The following LPL variants were observed in gnomAD, a reference collection of about 807,000 sequenced individuals.
LPL encodes the protein phospholipase A1.
In LPL, 43 loss-of-function variants were observed where a neutral mutation model predicts 52.2. That is an observed-to-expected ratio of 0.82 (90% CI 0.64 to 1.06). LPL has a LOEUF of 1.06. Among genes scored for constraint, LPL ranks in the 50% least tolerant of loss-of-function variants. LPL has a pLI of 0.00. For synonymous variants in LPL, 244 were observed against 215.6 expected (o/e 1.13, Z -1.15); for missense variants, 639 against 585.3 (o/e 1.09, Z -0.95).
Position 19,966,537 on chromosome 8 carries a change from C to G in LPL, c.*1227C>G, listed in dbSNP as rs1234348989. On this transcript the variant is annotated 3_prime_UTR_variant, in exon 10 of 10. Transcript: ENST00000650287. ...TCCTATTTTTCAGAATGCTCTTCTA[C>G]GTATAAATATGAAATGATAAAGATG... 1.3e-5 allele frequency: 2 copies of G among 152,094 alleles called. No individual in the cohort carries two copies. Among genetic ancestry groups the G allele is most frequent in the African/African-American group, 4.8e-5 (2 of 41,406 alleles). 9.4% of individuals were successfully genotyped at this position (152,094 alleles called of 1,614,324 possible). A position where few individuals can be genotyped will look rare whatever the true frequency, so the allele number is the denominator to read the frequency against.
At chr8:19,945,479 A>C (rs1374882105) in intron 1 of LPL, among the ~76,000 whole-genome samples, 3 of 152,232 alleles carry the variant, frequency 2.0e-5, no homozygotes, top group African/African-American at 7.2e-5. Flanking sequence ...CATTTTCTTT[A>C]AAAGTGAAAT....
In LPL at chr8:19,953,421, G is replaced by A. The variant is rs747009924; in HGVS notation, c.541G>A (p.Gly181Ser). 6.2e-7 allele frequency: 1 copy of A among 1,608,054 alleles called. No individual in the cohort carries two copies. The highest frequency in any genetic ancestry group is 8.5e-7 in the Non-Finnish European group (1 of 1,174,638). Reference sequence around the variant, plus strand: ...CAATAAGAAAGTCAACAGAATTACTGGTAAGAAAGCAATTTCGTTGGTCTT... The same window carrying A: ...CAATAAGAAAGTCAACAGAATTACTAGTAAGAAAGCAATTTCGTTGGTCTT... Reference protein sequence around the residue: ...LTNKKVNRITGLDPAGPNFEY... With the variant: ...LTNKKVNRITSLDPAGPNFEY... The change falls in exon 4 of 10, where the codon GGC becomes AGC. Residue 181 changes from glycine to serine, a missense_variant and splice_region_variant. Physicochemically the swap from Gly to Ser is moderately conservative, Grantham distance 56 (BLOSUM62 0). Coordinates refer to ENST00000650287, the MANE Select transcript of LPL (RefSeq NM_000237.3).
At chr8:19,955,733 G>A in intron 5 of LPL, 108 bp from the exon 6 acceptor site, 1 of 1,385,784 alleles carries the variant, frequency 7.2e-7, no homozygotes, top group South Asian at 1.2e-5. Flanking sequence ...CTATATCCTT[G>A]GGTGATTCTA....
chr8:19,959,555 A>G (rs1391421532), intron 7 of LPL, among the ~76,000 whole-genome samples, 175 bp downstream of exon 7: 1 of 152,024 alleles, frequency 6.6e-6, no homozygotes. Context: ...AATGCTTCAA[A>G]TTGGCCATTT....
Position 19,956,088 on chromosome 8 carries a change from G to A in LPL, c.1018+5G>A, listed in dbSNP as rs748149393. 4.3e-6 allele frequency: 7 copies of A among 1,614,098 alleles called. No individual in the cohort carries two copies. In the Admixed American group the frequency reaches 1.2e-4, roughly 27 times the overall value. ...GTTCTCAGATGCCCTACAAAGGTAGGCTGGAGACTGTTGTAAATAAGGAAA... is the reference window on the plus strand; with the variant it reads ...GTTCTCAGATGCCCTACAAAGGTAGACTGGAGACTGTTGTAAATAAGGAAA... On this transcript the variant is annotated splice_donor_5th_base_variant and intron_variant, in intron 6 of 9. Transcript: ENST00000650287.
intron 6 of LPL, among the ~76,000 whole-genome samples, chr8:19,956,830 T>A (rs1178231038): frequency 1.3e-5 from 2 of 152,174 alleles, no homozygotes; most frequent in Non-Finnish European, 2.9e-5. Flanking sequence ...CTTATTTATT[T>A]ATTTATTTAA....
Position 19,948,252 on chromosome 8 carries a change from G to C in LPL, c.161G>C (p.Cys54Ser). The C allele has an allele frequency of 1.2e-6, 2 of 1,614,074 alleles. No homozygotes were observed. ...CCTGAAGACACAGCTGAGGACACTT[G>C]CCACCTCATTCCCGGAGTAGCAGAG... ...RTPEDTAEDT[C>S]HLIPGVAESV... The change falls in exon 2 of 10, where the codon TGC (cysteine) becomes TCC (serine). Residue 54 changes from cysteine (C) to serine (S), a missense_variant. Cys to Ser is a moderately radical substitution (Grantham distance 112, BLOSUM62 -1). Coordinates refer to ENST00000650287, the MANE Select transcript of LPL (RefSeq NM_000237.3).
At chr8:19,964,236 G>A (rs2070066320) in intron 9 of LPL, among the ~76,000 whole-genome samples, 1 of 152,078 alleles carries the variant, frequency 6.6e-6, no homozygotes, top group Admixed American at 6.5e-5. Context: ...ATAGGTGTGA[G>A]TCACCACACC....
intron 1 of LPL, among the ~76,000 whole-genome samples, chr8:19,940,334 T>C (rs2069824055): frequency 6.6e-6 from 1 of 152,182 alleles, no homozygotes; most frequent in Non-Finnish European, 1.5e-5. Context: ...GGTCTGCGTT[T>C]GGCCACCCTT....
In LPL at chr8:19,950,238, C is replaced by CA. The variant is rs937566780; in HGVS notation, c.250-1530dup. On this transcript the variant is annotated intron_variant, in intron 2 of 9. Coordinates refer to ENST00000650287, the MANE Select transcript of LPL (RefSeq NM_000237.3). This position sits in a 1 kb window ranked among gnomAD's most constrained non-coding sequence, Gnocchi z 4.2. ...ATAGGCAGCAGGGAGGGCTTCAGTT[C>CA]AGCTGCGTGTCTGAAAACCAAAGAT... Among the ~76,000 whole-genome samples, 6 of 152,194 alleles carry CA rather than the reference C, an allele frequency of 3.9e-5. No individual in the cohort carries two copies. Among genetic ancestry groups the CA allele is most frequent in the African/African-American group, 1.4e-4 (6 of 41,440 alleles).
chr8:19,966,569 A>C lies in LPL; in HGVS notation c.*1259A>C, dbSNP rs1288213638. The C allele has an allele frequency of 6.6e-6, 1 of 152,236 alleles. No homozygotes were observed. The highest frequency in any genetic ancestry group is 1.5e-5 in the Non-Finnish European group (1 of 68,048). The allele number at this position is 152,236 out of a possible 1,614,324, so 9.4% of individuals were successfully genotyped here. ...ATATGAAATGATAAAGATGTCAAAT[A>C]TCTCAGAGGCTATAGCTGGGAACCC... is the stretch of plus-strand genomic sequence containing the variant. On this transcript the variant is annotated 3_prime_UTR_variant, in exon 10 of 10. Transcript: ENST00000650287.
chr8:19,955,425 G>A (rs570946530), intron 5 of LPL, among the ~76,000 whole-genome samples: 54 of 152,176 alleles, frequency 3.5e-4, no homozygotes, highest in African/African-American at 1.1e-3. Flanking sequence ...AGTGCATTTT[G>A]ACTTACAGTA....
chr8:19,964,396 C>T (rs960195554), intron 9 of LPL, among the ~76,000 whole-genome samples: 5 of 152,162 alleles, frequency 3.3e-5, no homozygotes, highest in East Asian at 1.9e-4. Flanking sequence ...TTGTAAAGCA[C>T]GTCCAGTCGT....
rs2128839619 is a variant in LPL at position 19,961,060 on chromosome 8, A to G, written c.1299A>G (p.Val433=). 1 of 1,614,094 alleles carries G rather than the reference A, an allele frequency of 6.2e-7. No homozygotes were observed. Among genetic ancestry groups the G allele is most frequent in the Non-Finnish European group, 8.5e-7 (1 of 1,180,020 alleles). The part of the protein sequence containing the change: ...SPGFAIQKIR[V]KAGETQKKVI... ...GCTTCGCCATTCAGAAGATCAGAGT[A>G]AAAGCAGGAGAGACTCAGAAAAAGT... is the stretch of plus-strand genomic sequence containing the variant. Residue 433 remains valine (V), a synonymous_variant, in exon 8 of 10, where the codon GTA becomes GTG. Transcript: ENST00000650287.
chr8:19,952,364 T>C (rs989202891), intron 3 of LPL, among the ~76,000 whole-genome samples: 11 of 152,194 alleles, frequency 7.2e-5, no homozygotes, highest in African/African-American at 2.7e-4. Flanking sequence ...ACTTATTCTT[T>C]AGTGTGAAAT....
In LPL at chr8:19,960,984, A is replaced by C; in HGVS notation, c.1223A>C (p.Lys408Thr). ...DIGELLMLKL[K>T]WKSDSYFSWS... ...GGAGAACTACTCATGTTGAAGCTCA[A>C]ATGGAAGAGTGATTCATACTTTAGC... is the stretch of plus-strand genomic sequence containing the variant. Residue 408 changes from lysine to threonine, a missense_variant, in exon 8 of 10, where the codon AAA becomes ACA. By Grantham distance (78) the Lys-to-Thr change is moderately conservative (BLOSUM62 -1). Transcript: ENST00000650287. 2 of 1,614,114 alleles carry C rather than the reference A, an allele frequency of 1.2e-6. No individual in the cohort carries two copies.
chr8:19,939,879 C>G lies in LPL; in HGVS notation c.88+351C>G, dbSNP rs1273652680. Among the ~76,000 whole-genome samples, 1 of 152,168 alleles carries G rather than the reference C, an allele frequency of 6.6e-6. No homozygotes were observed. The highest frequency in any genetic ancestry group is 1.5e-5 in the Non-Finnish European group (1 of 68,018). On this transcript the variant is annotated intron_variant, in intron 1 of 9. Transcript: ENST00000650287. The surrounding 1 kb of genome is among the most constrained non-coding windows in gnomAD (Gnocchi z 4.0). The stretch of plus-strand genomic sequence containing the variant: ...ACGGCGGAGGCGGGGAGTAAGGGCC[C>G]GGCTGGCGGTGACCTGCAGTCACCT...
intron 7 of LPL, among the ~76,000 whole-genome samples, chr8:19,959,777 C>CATTTTTTTTT (rs2070020857): frequency 1.5e-5 from 1 of 65,098 alleles, no homozygotes; most frequent in Non-Finnish European, 2.8e-5. Context: ...AGTGTTAGCT[C>CATTTTTTTTT]TTTTTTTTTT....
At chr8:19,953,564 G>A in intron 4 of LPL, 143 bp downstream of exon 4, 7 of 683,506 alleles carry the variant, frequency 1.0e-5, no homozygotes, top group Non-Finnish European at 5.3e-6. Context: ...TCTCATTGTA[G>A]GGCTCTTTAT....
Sources: allele counts gnomAD v4.1 joint callset (sites outside exome capture counted in the v4.1 genomes callset), GRCh38; gene constraint gnomAD v4.1.1; non-coding constraint Gnocchi (gnomAD v3.1); transcripts MANE v1.5; gene names NCBI Gene and HGNC (gene_info 2026-07-23, HGNC 2026-07-21).